The following RNF185 variants were observed in gnomAD, a reference collection of about 807,000 sequenced individuals.
RNF185 encodes ring finger protein 185.
In RNF185, 13 loss-of-function variants were observed where a neutral mutation model predicts 24.9. That is an observed-to-expected ratio of 0.52 (90% CI 0.34 to 0.83). RNF185 has a LOEUF of 0.83. Among genes scored for constraint, RNF185 ranks in the 40% least tolerant of loss-of-function variants. The probability of loss-of-function intolerance (pLI) is 0.01; values close to 1 mark genes in which losing one functional copy is unlikely to be tolerated. For missense variants in RNF185, 184 were observed against 244.7 expected, an observed-to-expected ratio of 0.75 and a Z score of 1.65; for synonymous variants, 79 against 90.3, an observed-to-expected ratio of 0.88 and a Z score of 0.71.
At chr22:31,191,702 C>T (rs2048157274) in intron 2 of RNF185, among the ~76,000 whole-genome samples, 1 of 151,822 alleles carries the variant, frequency 6.6e-6, no homozygotes, top group Non-Finnish European at 1.5e-5. Context: ...CGTGGTGGCA[C>T]ACACCTATAA....
chr22:31,182,373 C>T lies in RNF185; in HGVS notation c.-48-4674C>T, dbSNP rs200157701. On this transcript the variant is annotated intron_variant, in intron 1 of 6. Transcript: ENST00000326132. ...TATAATCTTGGCTCACTGCAACTTC[C>T]GCCTCGCAAGCTTAAGCGATTCTCC... Among the ~76,000 whole-genome samples the T allele has an allele frequency of 2.4e-4, 37 of 152,192 alleles. No homozygotes were observed. In the East Asian group the frequency reaches 6.2e-3, roughly 25 times the overall value.
intron 3 of RNF185, among the ~76,000 whole-genome samples, chr22:31,194,651 C>G (rs777431504): frequency 6.6e-6 from 1 of 152,008 alleles, no homozygotes; most frequent in East Asian, 1.9e-4. Context: ...TTGCTTGAAC[C>G]CAGGAGGCAG....
rs1050842065 is a variant in RNF185, at chr22:31,189,280, C to CTTTTTTTTTTT, written c.176+2027_176+2037dup. On this transcript the variant is annotated intron_variant, in intron 2 of 6. Coordinates refer to ENST00000326132, the MANE Select transcript of RNF185 (RefSeq NM_152267.4). The stretch of plus-strand genomic sequence containing the variant: ...ATTTAAATGTACAGCTGTTGTATAT[C>CTTTTTTTTTTT]TTTTTTTTTTTTTTTTTTTTTTTTT... 6.3e-4 allele frequency among the ~76,000 whole-genome samples: 39 copies of CTTTTTTTTTTT among 61,538 alleles called. 9 individuals are homozygous for CTTTTTTTTTTT. Among genetic ancestry groups the CTTTTTTTTTTT allele is most frequent in the East Asian group, 1.7e-3 (3 of 1,718 alleles). The allele number at this position is 61,538 out of a possible 152,430, so 40.4% of individuals were successfully genotyped here.
At chr22:31,172,831 A>G (rs2047943701) in intron 1 of RNF185, among the ~76,000 whole-genome samples, 1 of 151,346 alleles carries the variant, frequency 6.6e-6, no homozygotes, top group South Asian at 2.1e-4. Flanking sequence ...ATTATTCCCC[A>G]TTTGCAGGTA....
chr22:31,189,135 A>AATATGTGTGTG (rs1555882536), intron 2 of RNF185, among the ~76,000 whole-genome samples: 1 of 136,872 alleles, frequency 7.3e-6, no homozygotes, highest in Non-Finnish European at 1.6e-5. Context: ...CAAAAAAAAA[A>AATATGTGTGTG]TGTGTGTGTG....
chr22:31,166,606 C>CCCTCCT (rs754140129), intron 1 of RNF185, among the ~76,000 whole-genome samples: 1 of 147,476 alleles, frequency 6.8e-6, no homozygotes, highest in African/African-American at 2.5e-5. Flanking sequence ...CCTTCCCTTC[C>CCCTCCT]CCTCCTCCTC....
intron 5 of RNF185, among the ~76,000 whole-genome samples, chr22:31,197,586 C>T (rs2048218543): frequency 6.6e-6 from 1 of 152,110 alleles, no homozygotes; most frequent in Non-Finnish European, 1.5e-5. Context: ...GACAGGGTCT[C>T]ACTCTGTAGC....
At chr22:31,171,755 G>A (rs955267863) in intron 1 of RNF185, among the ~76,000 whole-genome samples, 2 of 152,238 alleles carry the variant, frequency 1.3e-5, no homozygotes, top group East Asian at 3.9e-4. Flanking sequence ...GATCACCTGA[G>A]GTCGGGAGTT....
At chr22:31,195,224 A>C (rs550755365) in intron 3 of RNF185, among the ~76,000 whole-genome samples, 1 of 152,184 alleles carries the variant, frequency 6.6e-6, no homozygotes, top group Non-Finnish European at 1.5e-5. Context: ...AAGCGCTGGG[A>C]TTACAGGCAT....
intron 1 of RNF185, among the ~76,000 whole-genome samples, chr22:31,180,077 A>T (rs1188189887): frequency 6.6e-6 from 1 of 150,966 alleles, no homozygotes; most frequent in Admixed American, 6.6e-5. Flanking sequence ...GATTGGGGAA[A>T]ACCAGAACAT....
At chr22:31,175,259 G>A (rs1159446426) in intron 1 of RNF185, among the ~76,000 whole-genome samples, 1 of 151,694 alleles carries the variant, frequency 6.6e-6, no homozygotes. Context: ...AGACCAGCCT[G>A]GGCAGCATGG....
intron 1 of RNF185, among the ~76,000 whole-genome samples, chr22:31,168,174 A>G (rs1924051208): frequency 6.6e-6 from 1 of 152,180 alleles, no homozygotes; most frequent in South Asian, 2.1e-4. Flanking sequence ...ACGTCATATA[A>G]GTAGAATCAT....
intron 5 of RNF185, among the ~76,000 whole-genome samples, chr22:31,200,999 C>T (rs1278856577): frequency 1.3e-5 from 2 of 152,164 alleles, no homozygotes; most frequent in African/African-American, 4.8e-5. Flanking sequence ...GGTAATGGTT[C>T]TTTGAATGCA....
At chr22:31,160,452 A>G (rs1923495031) in intron 1 of RNF185, 149 bp downstream of exon 1, 4 of 152,240 alleles carry the variant, frequency 2.6e-5, no homozygotes, top group Admixed American at 2.6e-4. Context: ...GTCCCCGAAA[A>G]GAGGACGAGC....
chr22:31,171,906 T>C (rs1054030402), intron 1 of RNF185, among the ~76,000 whole-genome samples: 6 of 151,824 alleles, frequency 4.0e-5, no homozygotes, highest in East Asian at 1.9e-4. Flanking sequence ...AGGCGGAGGT[T>C]GCGGTGAGCC....
intron 2 of RNF185, among the ~76,000 whole-genome samples, chr22:31,189,070 G>A (rs1402833645): frequency 3.3e-5 from 5 of 149,716 alleles, no homozygotes; most frequent in South Asian, 4.2e-4. Context: ...AGCTTGCAGC[G>A]AGCTGAGATC....
At chr22:31,171,597 A>G (rs2047931156) in intron 1 of RNF185, among the ~76,000 whole-genome samples, 1 of 152,220 alleles carries the variant, frequency 6.6e-6, no homozygotes, top group South Asian at 2.1e-4. Context: ...GTAAAAGTCA[A>G]TATTATAGAC....
intron 5 of RNF185, among the ~76,000 whole-genome samples, chr22:31,200,076 G>A (rs1185503906): frequency 6.6e-6 from 1 of 152,156 alleles, no homozygotes; most frequent in Non-Finnish European, 1.5e-5. Context: ...GAGCATGAAG[G>A]CCGGGCACAG....
At chr22:31,182,072 A>C (rs2048043358) in intron 1 of RNF185, among the ~76,000 whole-genome samples, 1 of 150,376 alleles carries the variant, frequency 6.6e-6, no homozygotes, top group East Asian at 1.9e-4. Context: ...AAAAAACACA[A>C]TATCATTATT....
Sources: gnomAD v4.1 joint callset for allele counts (sites outside exome capture counted in the v4.1 genomes callset) on GRCh38, gnomAD v4.1.1 for gene constraint, MANE v1.5 for transcripts, NCBI Gene and HGNC (gene_info 2026-07-23, HGNC 2026-07-21) for gene names.